ADAMTS3: variants seen among roughly 807,000 people sequenced by gnomAD.
The protein encoded by ADAMTS3 is ADAM metallopeptidase with thrombospondin type 1 motif 3, also known as A disintegrin and metalloproteinase with thrombospondin motifs 3.
ADAMTS3 carries 73 observed loss-of-function variants against 129.0 expected under a neutral mutation model. The observed-to-expected ratio is 0.57, with a 90% CI of 0.47 to 0.69. ADAMTS3 has a LOEUF of 0.69. Ranked by LOEUF, ADAMTS3 falls within the 30% of genes least tolerant of loss-of-function variation. ADAMTS3 has a pLI of 0.00. For missense variants in ADAMTS3, 1,457 were observed against 1,514.5 expected (o/e 0.96, Z 0.63); for synonymous variants, 477 against 510.8 (o/e 0.93, Z 0.89).
chr4:72,397,562 T>TAC lies in ADAMTS3; in HGVS notation c.661+17251_661+17252dup, dbSNP rs35076637. ...CCTGGGCGACAGGGTGAGACTCTAT[T>TAC]ACACACACACACACACACACACACA... On this transcript the variant is annotated intron_variant, in intron 4 of 21. Transcript: ENST00000286657. Among the ~76,000 whole-genome samples the TAC allele has an allele frequency of 5.2e-3, 762 of 147,578 alleles. 12 individuals carry two copies. The highest frequency in any genetic ancestry group is 0.016 in the African/African-American group (642 of 40,190).
intron 17 of ADAMTS3, among the ~76,000 whole-genome samples, chr4:72,299,077 GT>G (rs1718887486): frequency 6.6e-6 from 1 of 151,376 alleles, no homozygotes; most frequent in African/African-American, 2.4e-5. Context: ...GTGTGTGTGT[GT>G]GTGTGTGTGT....
At chr4:72,423,574 T>C (rs1722498648) in intron 3 of ADAMTS3, among the ~76,000 whole-genome samples, 2 of 152,104 alleles carry the variant, frequency 1.3e-5, no homozygotes. Context: ...ATTATTATTA[T>C]ACTTTAAGTT....
chr4:72,550,086 A>T (rs140984808), intron 2 of ADAMTS3, among the ~76,000 whole-genome samples: 1 of 68,906 alleles, frequency 1.5e-5, no homozygotes, highest in Admixed American at 1.2e-4. Flanking sequence ...GAAGAGGAAG[A>T]AGAAGAAGAA....
intron 3 of ADAMTS3, among the ~76,000 whole-genome samples, chr4:72,500,444 G>T (rs1719985873): frequency 6.6e-6 from 1 of 151,972 alleles, no homozygotes; most frequent in South Asian, 2.1e-4. Context: ...CATGTTCTTT[G>T]CCCATTTTTA....
chr4:72,515,663 G>A lies in ADAMTS3; in HGVS notation c.504+32815C>T, dbSNP rs1367181311. Among the ~76,000 whole-genome samples, 15 of 151,858 alleles carry A rather than the reference G, an allele frequency of 9.9e-5. 1 individual carries two copies. The highest frequency in any genetic ancestry group is 3.3e-4 in the Admixed American group (5 of 15,248). On this transcript the variant is annotated intron_variant, in intron 3 of 21. Transcript: ENST00000286657. ...TGAGAAGTGTCTGTTCATGTCCTTCGCCCACTTTTTGATGGGGTTGTTTGT... is the reference window on the plus strand; with the variant it reads ...TGAGAAGTGTCTGTTCATGTCCTTCACCCACTTTTTGATGGGGTTGTTTGT...
At chr4:72,476,746 T>C (rs1007146885) in intron 3 of ADAMTS3, among the ~76,000 whole-genome samples, 6 of 151,934 alleles carry the variant, frequency 3.9e-5, no homozygotes, top group Non-Finnish European at 5.9e-5. Context: ...AAAAAATCAT[T>C]AACAAAATAT....
At chr4:72,472,910 G>A (rs1290518398) in intron 3 of ADAMTS3, among the ~76,000 whole-genome samples, 1 of 152,104 alleles carries the variant, frequency 6.6e-6, no homozygotes, top group African/African-American at 2.4e-5. Context: ...AATATTTGAT[G>A]ACCATGAGTA....
chr4:72,453,073 C>A (rs1718451888), intron 3 of ADAMTS3, among the ~76,000 whole-genome samples: 1 of 151,772 alleles, frequency 6.6e-6, no homozygotes, highest in African/African-American at 2.4e-5. Context: ...ATACTAGAAA[C>A]CTGATTGCTT....
At chr4:72,506,563 G>T (rs1720164204) in intron 3 of ADAMTS3, among the ~76,000 whole-genome samples, 2 of 152,196 alleles carry the variant, frequency 1.3e-5, no homozygotes, top group Non-Finnish European at 2.9e-5. Flanking sequence ...ATGAACTCAG[G>T]TTAAAAATTG....
intron 3 of ADAMTS3, among the ~76,000 whole-genome samples, chr4:72,458,824 A>G (rs1342051778): frequency 1.3e-5 from 2 of 151,508 alleles, no homozygotes; most frequent in Non-Finnish European, 3.0e-5. Flanking sequence ...TAAGTGCCAC[A>G]CCATTTTCAG....
At chr4:72,347,164 A>G (rs2109839835) in intron 4 of ADAMTS3, among the ~76,000 whole-genome samples, 1 of 152,156 alleles carries the variant, frequency 6.6e-6, no homozygotes, top group Non-Finnish European at 1.5e-5. Flanking sequence ...TAGAGAATAG[A>G]CTACACTCCA....
chr4:72,440,969 A>T (rs2109960003), intron 3 of ADAMTS3, among the ~76,000 whole-genome samples: 1 of 151,930 alleles, frequency 6.6e-6, no homozygotes, highest in South Asian at 2.1e-4. Context: ...CAATACAATG[A>T]GTATTCACAA....
chr4:72,549,243 C>A (rs1721549649), intron 2 of ADAMTS3, among the ~76,000 whole-genome samples: 1 of 152,148 alleles, frequency 6.6e-6, no homozygotes, highest in Admixed American at 6.5e-5. Context: ...TAACTGACAT[C>A]TGCTAAAAAC....
Position 72,561,277 on chromosome 4 carries a change from G to T in ADAMTS3, c.97+6097C>A, listed in dbSNP as rs534347297. On this transcript the variant is annotated intron_variant, in intron 2 of 21. Coordinates refer to ENST00000286657, the MANE Select transcript of ADAMTS3 (RefSeq NM_014243.3). ...GCAGAGAATTGCTTGAACCCAGAAG[G>T]CAGAGGTTGCAGGGAGCTGAGATTG... is the stretch of plus-strand genomic sequence containing the variant. Among the ~76,000 whole-genome samples, 3 of 152,176 alleles carry T rather than the reference G, an allele frequency of 2.0e-5. No individual in the cohort carries two copies. The South Asian group carries it at 6.2e-4, about 32-fold the overall frequency.
At chr4:72,463,101 T>C (rs1485494901) in intron 3 of ADAMTS3, among the ~76,000 whole-genome samples, 3 of 152,018 alleles carry the variant, frequency 2.0e-5, no homozygotes, top group Non-Finnish European at 4.4e-5. Flanking sequence ...ATCTTTTCTA[T>C]GTTTAGATAC....
At chr4:72,473,799 T>A (rs1316540170) in intron 3 of ADAMTS3, among the ~76,000 whole-genome samples, 7 of 152,030 alleles carry the variant, frequency 4.6e-5, no homozygotes, top group Non-Finnish European at 1.0e-4. Context: ...CCATCAGTAA[T>A]GAGTCACTCT....
intron 3 of ADAMTS3, among the ~76,000 whole-genome samples, chr4:72,529,328 T>C (rs74811843): frequency 5.1e-4 from 78 of 152,124 alleles, no homozygotes; most frequent in African/African-American, 1.7e-3. Flanking sequence ...CTGTTAGAAA[T>C]GCAAACTTTC....
intron 3 of ADAMTS3, among the ~76,000 whole-genome samples, chr4:72,506,513 T>C (rs988176310): frequency 5.9e-5 from 9 of 152,194 alleles, no homozygotes; most frequent in African/African-American, 1.7e-4. Flanking sequence ...AATGCCTACA[T>C]GTCCATCATG....
intron 1 of ADAMTS3, 28 bp downstream of exon 1, chr4:72,568,666 T>C: frequency 6.2e-7 from 1 of 1,603,638 alleles, no homozygotes; most frequent in Non-Finnish European, 8.5e-7. Flanking sequence ...GTTTGAGTTT[T>C]TTTTTATTGT....
Sources: gnomAD v4.1 joint callset for allele counts (sites outside exome capture counted in the v4.1 genomes callset) on GRCh38, gnomAD v4.1.1 for gene constraint, MANE v1.5 for transcripts, NCBI Gene and HGNC (gene_info 2026-07-23, HGNC 2026-07-21) for gene names.